Variants in PRIM2 observed in about 807,000 individuals in gnomAD.
PRIM2 encodes the protein DNA primase large subunit.
In PRIM2, 39 loss-of-function variants were observed where a neutral mutation model predicts 67.3. The ratio of observed to expected loss-of-function variants is 0.58; its 90% CI spans 0.45 to 0.76. The LOEUF is 0.76. Among genes scored for constraint, PRIM2 ranks in the 30% least tolerant of loss-of-function variants. PRIM2 has a pLI of 0.00. For missense variants in PRIM2, 398 were observed against 598.7 expected (o/e 0.66, Z 3.50); for synonymous variants, 143 against 198.7 (o/e 0.72, Z 2.36).
Position 57,566,255 on chromosome 6 carries a change from C to T in PRIM2, c.1020+28630C>T, listed in dbSNP as rs1231498873. On this transcript the variant is annotated intron_variant, in intron 10 of 13. Transcript: ENST00000615550. ...CGCAACCTTTTTGGCAAGAATCCTT[C>T]ATAAGTGGTACTTTATTTTTCATAT... Among the ~76,000 whole-genome samples the T allele has an allele frequency of 2.7e-5, 4 of 150,710 alleles. No homozygotes were observed. The Admixed American group carries it at 2.7e-4, about 10-fold the overall frequency.
chr6:57,570,564 A>G (rs1478832184), intron 10 of PRIM2, among the ~76,000 whole-genome samples: 1 of 152,338 alleles, frequency 6.6e-6, no homozygotes, highest in East Asian at 1.9e-4. Context: ...CAAATAGGAA[A>G]TGAACATTGA....
At chr6:57,273,345 T>C in the PRIM2 span, among the ~76,000 whole-genome samples, 1 of 152,242 alleles carries the variant, frequency 6.6e-6, no homozygotes, top group Non-Finnish European at 1.5e-5. Flanking sequence ...CTGTTTTCTC[T>C]AAACTTCTCT....
chr6:57,612,793 C>CTTTT (rs1286246615), intron 12 of PRIM2, among the ~76,000 whole-genome samples: 1 of 131,140 alleles, frequency 7.6e-6, no homozygotes, highest in South Asian at 2.4e-4. Flanking sequence ...TTCTTTTCGC[C>CTTTT]TTTTTTTTTT....
chr6:57,414,946 G>A (rs1181219105), intron 7 of PRIM2, among the ~76,000 whole-genome samples: 1 of 152,048 alleles, frequency 6.6e-6, no homozygotes, highest in Non-Finnish European at 1.5e-5. Flanking sequence ...TTAAAGAAAT[G>A]GAAATTAAAA....
intron 7 of PRIM2, among the ~76,000 whole-genome samples, chr6:57,441,770 C>T (rs12197856): frequency 2.6e-5 from 4 of 152,106 alleles, no homozygotes; most frequent in Admixed American, 2.6e-4. Context: ...ATATCTATTC[C>T]ACCAGACAGA....
intron 7 of PRIM2, among the ~76,000 whole-genome samples, chr6:57,447,681 A>G (rs569713247): frequency 6.6e-6 from 1 of 152,334 alleles, no homozygotes; most frequent in South Asian, 2.1e-4. Context: ...GTAAATTTGT[A>G]TACTGGGAAT....
At chr6:57,505,918 A>G in intron 7 of PRIM2, among the ~76,000 whole-genome samples, 1 of 152,212 alleles carries the variant, frequency 6.6e-6, no homozygotes, top group South Asian at 2.1e-4. Context: ...GTCTAGATAA[A>G]TCATTTAAAT....
chr6:57,449,593 T>A (rs1389157874), intron 7 of PRIM2, among the ~76,000 whole-genome samples: 1 of 152,190 alleles, frequency 6.6e-6, no homozygotes, highest in African/African-American at 2.4e-5. Context: ...TTTATTCTTC[T>A]TATTAATGGC....
chr6:57,610,426 C>T (rs1302949872), intron 12 of PRIM2, among the ~76,000 whole-genome samples: 1 of 152,176 alleles, frequency 6.6e-6, no homozygotes, highest in East Asian at 1.9e-4. Context: ...ATCATTGTGA[C>T]TCAGCTGGTG....
intron 5 of PRIM2, among the ~76,000 whole-genome samples, chr6:57,353,936 T>G (rs1768940539): frequency 1.3e-5 from 2 of 152,216 alleles, no homozygotes; most frequent in African/African-American, 4.8e-5. Flanking sequence ...AATACTTTTT[T>G]CAAAAGTCAC....
intron 7 of PRIM2, among the ~76,000 whole-genome samples, chr6:57,474,006 A>G (rs1481620453): frequency 1.3e-5 from 2 of 151,524 alleles, no homozygotes; most frequent in Non-Finnish European, 2.9e-5. Context: ...TACTCATTAA[A>G]CTTCATTTTG....
At chr6:57,242,548 G>T in the PRIM2 span, among the ~76,000 whole-genome samples, 1 of 152,082 alleles carries the variant, frequency 6.6e-6, no homozygotes, top group Non-Finnish European at 1.5e-5. Context: ...AAACCAATAT[G>T]ATGGTTACCA....
intron 7 of PRIM2, among the ~76,000 whole-genome samples, chr6:57,437,954 G>C (rs1772068283): frequency 6.6e-6 from 1 of 152,086 alleles, no homozygotes; most frequent in Admixed American, 6.6e-5. Context: ...ACCCTGCCTG[G>C]ACAGGAAAGA....
chr6:57,551,316 C>T (rs1775396940), intron 10 of PRIM2, among the ~76,000 whole-genome samples: 2 of 152,100 alleles, frequency 1.3e-5, no homozygotes. Flanking sequence ...GATGTTTACT[C>T]AAGGGGAAAT....
chr6:57,530,170 A>G (rs1373135330), intron 8 of PRIM2, among the ~76,000 whole-genome samples: 2 of 152,362 alleles, frequency 1.3e-5, no homozygotes, highest in South Asian at 2.1e-4. Context: ...TGTGTGTGCT[A>G]TGGAAGACAT....
intron 7 of PRIM2, among the ~76,000 whole-genome samples, chr6:57,468,641 C>T (rs1480363944): frequency 2.0e-5 from 3 of 152,176 alleles, no homozygotes; most frequent in African/African-American, 7.2e-5. Context: ...ATGTTGGCCT[C>T]ATAATATGGC....
At chr6:57,636,333 AT>A (rs1291579482) in intron 13 of PRIM2, among the ~76,000 whole-genome samples, 2 of 152,148 alleles carry the variant, frequency 1.3e-5, no homozygotes, top group African/African-American at 4.8e-5. Flanking sequence ...GGATACCTCT[AT>A]TTCTCTATTC....
intron 10 of PRIM2, among the ~76,000 whole-genome samples, chr6:57,590,897 A>G (rs1776271546): frequency 6.6e-6 from 1 of 152,236 alleles, no homozygotes; most frequent in South Asian, 2.1e-4. Context: ...TTTTTTACAT[A>G]AAAGAGAATT....
intron 5 of PRIM2, among the ~76,000 whole-genome samples, chr6:57,333,689 TTTTTA>T (rs1562698415): frequency 6.6e-6 from 1 of 152,136 alleles, no homozygotes. Flanking sequence ...AATCTTTGTG[TTTTTA>T]TTTTATTTTC....
Sources: allele counts gnomAD v4.1 joint callset (sites outside exome capture counted in the v4.1 genomes callset), GRCh38; gene constraint gnomAD v4.1.1; transcripts MANE v1.5; gene names NCBI Gene and HGNC (gene_info 2026-07-23, HGNC 2026-07-21).